The following ADGRL3 variants were observed in gnomAD, a reference collection of about 807,000 sequenced individuals.
The protein encoded by ADGRL3 is calcium-independent alpha-latrotoxin receptor 3.
In ADGRL3, 62 loss-of-function variants were observed where a neutral mutation model predicts 153.5. The ratio of observed to expected loss-of-function variants is 0.40; its 90% CI spans 0.33 to 0.50. The LOEUF is 0.50. Among genes scored for constraint, ADGRL3 ranks in the 20% least tolerant of loss-of-function variants. ADGRL3 has a pLI of 0.47. For missense variants in ADGRL3, 1,641 were observed against 1,859.4 expected (o/e 0.88, Z 2.16); for synonymous variants, 710 against 672.5 (o/e 1.06, Z -0.86).
At chr4:61,588,138 T>C (rs771166068) in intron 5 of ADGRL3, among the ~76,000 whole-genome samples, 1 of 151,760 alleles carries the variant, frequency 6.6e-6, no homozygotes, top group African/African-American at 2.4e-5. Context: ...GTATTATATA[T>C]CTCTTAGATA....
chr4:61,566,940 C>T (rs976803462), intron 4 of ADGRL3, among the ~76,000 whole-genome samples: 1 of 152,088 alleles, frequency 6.6e-6, no homozygotes, highest in African/African-American at 2.4e-5. Flanking sequence ...ATTACCCATT[C>T]ATCTTGGACT....
At chr4:61,794,431 T>G (rs1181285470) in intron 8 of ADGRL3, among the ~76,000 whole-genome samples, 1 of 152,212 alleles carries the variant, frequency 6.6e-6, no homozygotes, top group Non-Finnish European at 1.5e-5. Flanking sequence ...AATTTCTGCT[T>G]GTAATACTTT....
chr4:61,642,414 G>T (rs905339872), intron 5 of ADGRL3, among the ~76,000 whole-genome samples: 1 of 152,138 alleles, frequency 6.6e-6, no homozygotes, highest in Admixed American at 6.6e-5. Flanking sequence ...GGTTTTTATG[G>T]TTTTAGGTCC....
chr4:61,552,797 C>T (rs2098746306), intron 4 of ADGRL3, among the ~76,000 whole-genome samples: 1 of 152,150 alleles, frequency 6.6e-6, no homozygotes, highest in Non-Finnish European at 1.5e-5. Flanking sequence ...GCCAAGAATA[C>T]ACTATTAGAC....
intron 16 of ADGRL3, among the ~76,000 whole-genome samples, chr4:61,947,477 T>A (rs1353288802): frequency 1.3e-5 from 2 of 152,192 alleles, no homozygotes; most frequent in African/African-American, 4.8e-5. Flanking sequence ...GATTTTTAGC[T>A]GCTCTTGCTG....
rs57752486 is a variant in ADGRL3, at chr4:61,682,986, T to C, written c.583+6051T>C. The stretch of plus-strand genomic sequence containing the variant: ...TAAATTTACAATGTTAGATTAAGCA[T>C]TTCACATTAGAAATATACAGAGAAG... On this transcript the variant is annotated intron_variant, in intron 6 of 26. Coordinates refer to ENST00000683033, the MANE Select transcript of ADGRL3 (RefSeq NM_001387552.1). Among the ~76,000 whole-genome samples, 304 of 152,222 alleles carry C rather than the reference T, an allele frequency of 2.0e-3. 1 individual carries two copies. Among genetic ancestry groups the C allele is most frequent in the African/African-American group, 6.7e-3 (280 of 41,536 alleles).
intron 1 of ADGRL3, among the ~76,000 whole-genome samples, chr4:61,307,997 A>G (rs912500876): frequency 2.0e-5 from 3 of 152,126 alleles, no homozygotes; most frequent in Non-Finnish European, 4.4e-5. Context: ...ATCCCCCTAA[A>G]ATGGTCTCGC....
At chr4:61,732,448 G>A (rs988355404) in intron 7 of ADGRL3, among the ~76,000 whole-genome samples, 6 of 152,052 alleles carry the variant, frequency 3.9e-5, no homozygotes, top group Admixed American at 2.6e-4. Context: ...AGAATACATA[G>A]ACATATGTTA....
chr4:61,318,397 C>T (rs551687357), intron 1 of ADGRL3, among the ~76,000 whole-genome samples: 3 of 152,158 alleles, frequency 2.0e-5, no homozygotes, highest in South Asian at 4.2e-4. Flanking sequence ...TTTACCTTCT[C>T]AGAGCTTCAG....
At position 61,219,989 on chromosome 4, in the gene ADGRL3, C is replaced by T. The variant is rs184758093; in HGVS notation, c.-240+18224C>T. Among the ~76,000 whole-genome samples the T allele has an allele frequency of 5.9e-3, 901 of 151,826 alleles. 8 individuals carry two copies. Among genetic ancestry groups the T allele is most frequent in the African/African-American group, 0.021 (860 of 41,408 alleles). ...CGGGCGTGGTGGCGGGCGCCTGTAA[C>T]CACAGCCACTCGGGAGGCTGAGGCA... On this transcript the variant is annotated intron_variant, in intron 1 of 26. Coordinates refer to ENST00000683033, the MANE Select transcript of ADGRL3 (RefSeq NM_001387552.1).
chr4:61,231,907 A>G (rs1294705549), intron 1 of ADGRL3, among the ~76,000 whole-genome samples: 1 of 151,952 alleles, frequency 6.6e-6, no homozygotes, highest in Non-Finnish European at 1.5e-5. Flanking sequence ...TTATGACTCT[A>G]TAATATTACA....
chr4:61,726,210 G>GTTTTTTTTTTTGTTTTTTTTTTT (rs149472429), intron 6 of ADGRL3, among the ~76,000 whole-genome samples: 7 of 118,478 alleles, frequency 5.9e-5, no homozygotes, highest in Admixed American at 3.0e-4. Context: ...TTTTTTTTTT[G>GTTTTTTTTTTTGTTTTTTTTTTT]TTTTTTGAGA....
At chr4:61,924,360 T>C (rs1024868806) in intron 13 of ADGRL3, among the ~76,000 whole-genome samples, 1 of 152,158 alleles carries the variant, frequency 6.6e-6, no homozygotes, top group East Asian at 1.9e-4. Context: ...GTCCACACTT[T>C]ATACATTCAC....
chr4:61,538,343 A>C (rs999292729), intron 4 of ADGRL3, among the ~76,000 whole-genome samples: 11 of 152,174 alleles, frequency 7.2e-5, no homozygotes, highest in Admixed American at 1.3e-4. Context: ...TTGACACACC[A>C]TCTTCTGCGG....
intron 1 of ADGRL3, among the ~76,000 whole-genome samples, chr4:61,295,804 T>A (rs1484184363): frequency 9.2e-5 from 13 of 140,884 alleles, no homozygotes; most frequent in East Asian, 2.1e-4. Flanking sequence ...TACACAGATT[T>A]AAAAAAAAAA....
At chr4:61,665,275 G>A (rs902573511) in intron 5 of ADGRL3, among the ~76,000 whole-genome samples, 3 of 152,100 alleles carry the variant, frequency 2.0e-5, no homozygotes, top group East Asian at 3.9e-4. Context: ...GCTGGACATG[G>A]TGGCGGATAT....
At chr4:61,354,257 A>T (rs1485985211) in intron 1 of ADGRL3, among the ~76,000 whole-genome samples, 1 of 152,178 alleles carries the variant, frequency 6.6e-6, no homozygotes, top group East Asian at 1.9e-4. Context: ...TAGGGATGGG[A>T]TCCTTTGCAA....
intron 18 of ADGRL3, among the ~76,000 whole-genome samples, chr4:61,982,112 C>G (rs2099070477): frequency 6.6e-6 from 1 of 152,252 alleles, no homozygotes; most frequent in South Asian, 2.1e-4. Context: ...CTCTTGTTAG[C>G]TTGCAATTCA....
chr4:61,739,065 T>C (rs2096552121), intron 8 of ADGRL3, among the ~76,000 whole-genome samples: 1 of 152,198 alleles, frequency 6.6e-6, no homozygotes, highest in Non-Finnish European at 1.5e-5. Flanking sequence ...CAGCATGAAA[T>C]TGGTGGAAAC....
Sources: gnomAD v4.1 joint callset for allele counts (sites outside exome capture counted in the v4.1 genomes callset) on GRCh38, gnomAD v4.1.1 for gene constraint, MANE v1.5 for transcripts, NCBI Gene and HGNC (gene_info 2026-07-23, HGNC 2026-07-21) for gene names.